The following IRF2 variants were observed in gnomAD, a reference collection of about 807,000 sequenced individuals.
IRF2 encodes the protein interferon regulatory factor 2.
Under a neutral mutation model 40.6 loss-of-function variants are expected in IRF2, and 15 were observed. That is an observed-to-expected ratio of 0.37 (90% CI 0.25 to 0.57). IRF2 has a LOEUF of 0.57. Among genes scored for constraint, IRF2 ranks in the 20% least tolerant of loss-of-function variants. IRF2 has a pLI of 0.77. For missense variants in IRF2, 317 were observed against 455.7 expected (o/e 0.70, Z 2.77); for synonymous variants, 151 against 165.5 (o/e 0.91, Z 0.67).
At chr4:184,463,295 C>T (rs929550169) in intron 1 of IRF2, among the ~76,000 whole-genome samples, 1 of 152,204 alleles carries the variant, frequency 6.6e-6, no homozygotes, top group African/African-American at 2.4e-5. Context: ...ACAACTTTCC[C>T]CTGTATTGTC....
rs763863046 is a variant in IRF2 at position 184,429,059 on chromosome 4, C to A, written c.6G>T (p.Pro2=). 6.2e-7 allele frequency: 1 copy of A among 1,613,852 alleles called. No homozygotes were observed. The highest frequency in any genetic ancestry group is 8.5e-7 in the Non-Finnish European group (1 of 1,179,752). The change falls in exon 2 of 9, where the codon CCG becomes CCT. Residue 2 remains proline, a synonymous_variant. Coordinates refer to ENST00000393593, the MANE Select transcript of IRF2 (RefSeq NM_002199.4). M[P]VERMRMRPWL... ...ACGGGCGCATGCGCATCCTTTCCAC[C>A]GGCATGGTGCCCTTGAGGGAGAGAA... is the stretch of plus-strand genomic sequence containing the variant.
rs1736575383 is a variant in IRF2 at position 184,399,064 on chromosome 4, T to C, written c.545A>G (p.His182Arg). The C allele has an allele frequency of 1.2e-6, 2 of 1,607,316 alleles. No homozygotes were observed. Among genetic ancestry groups the C allele is most frequent in the African/African-American group, 1.3e-5 (1 of 74,554 alleles). Residue 182 changes from histidine (H) to arginine (R), a missense_variant, in exon 7 of 9, where the codon CAT becomes CGT. Transcript: ENST00000393593. ...TTGATTCTCAATGTTGCTGTCCAGA[T>C]GGGACTGTCCTACAACTTCAAAGAA... Reference protein sequence around the residue: ...TVNIIVVGQSHLDSNIENQEI... With the variant: ...TVNIIVVGQSRLDSNIENQEI...
At chr4:184,396,166 G>A (rs1470595104) in intron 7 of IRF2, among the ~76,000 whole-genome samples, 2 of 152,180 alleles carry the variant, frequency 1.3e-5, no homozygotes, top group African/African-American at 2.4e-5. Flanking sequence ...TTCACGCTTC[G>A]GTTAGCTCTA....
chr4:184,439,314 A>G (rs1471051296), intron 1 of IRF2, among the ~76,000 whole-genome samples: 1 of 74,824 alleles, frequency 1.3e-5, no homozygotes, highest in East Asian at 3.3e-4. Context: ...TTAAAACTTT[A>G]AAAAAAAAAA....
At chr4:184,394,045 G>C (rs1216110585) in intron 7 of IRF2, among the ~76,000 whole-genome samples, 1 of 152,166 alleles carries the variant, frequency 6.6e-6, no homozygotes, top group Non-Finnish European at 1.5e-5. Context: ...ATTTGTTTTT[G>C]CTTTTTGTTT....
At position 184,409,623 on chromosome 4, in the gene IRF2, G is replaced by T. The variant is rs141172543; in HGVS notation, c.412-1348C>A. Among the ~76,000 whole-genome samples, 9 of 152,230 alleles carry T rather than the reference G, an allele frequency of 5.9e-5. No homozygotes were observed. In the East Asian group the frequency reaches 1.7e-3, roughly 29 times the overall value. On this transcript the variant is annotated intron_variant, in intron 5 of 8. Coordinates refer to ENST00000393593, the MANE Select transcript of IRF2 (RefSeq NM_002199.4). ...GTCTGCCTTTTCTTGGGCCAAGCAC[G>T]GTGGCTCACCCTGGAATCTCAGCAC... is the stretch of plus-strand genomic sequence containing the variant.
In IRF2 at chr4:184,390,721, G is replaced by A. The variant is rs750831842; in HGVS notation, c.723C>T (p.Ser241=). The A allele has an allele frequency of 4.6e-5, 75 of 1,614,132 alleles. No homozygotes were observed. The highest frequency in any genetic ancestry group is 5.7e-5 in the Non-Finnish European group (67 of 1,179,992). ...GGCTTACCTCGGCACTCTCTTCATC[G>A]CTGGGCACACTATCAGTCGTTTCGC... ...AESETTDSVP[S]DEESAEGRPH... is the part of the protein sequence containing the mutation. Residue 241 remains serine, a synonymous_variant, in exon 8 of 9, where the codon AGC becomes AGT. Transcript: ENST00000393593.
chr4:184,406,686 G>A (rs961870441), intron 6 of IRF2, among the ~76,000 whole-genome samples: 2 of 152,178 alleles, frequency 1.3e-5, no homozygotes, highest in African/African-American at 4.8e-5. Flanking sequence ...CAAGTGCTGG[G>A]GCCAGAGTCT....
chr4:184,430,971 C>T (rs1464038008), intron 1 of IRF2, among the ~76,000 whole-genome samples: 1 of 152,202 alleles, frequency 6.6e-6, no homozygotes, highest in Admixed American at 6.5e-5. Flanking sequence ...GCTGAGATTA[C>T]AGACATGAGC....
chr4:184,445,967 A>T (rs962303335), intron 1 of IRF2, among the ~76,000 whole-genome samples: 1 of 152,220 alleles, frequency 6.6e-6, no homozygotes, highest in African/African-American at 2.4e-5. Context: ...TGTCCTTTTA[A>T]GAAGAGGGAA....
chr4:184,455,360 G>T (rs1416193012), intron 1 of IRF2, among the ~76,000 whole-genome samples: 1 of 131,540 alleles, frequency 7.6e-6, no homozygotes, highest in Non-Finnish European at 1.5e-5. Flanking sequence ...GCCCAGGCTG[G>T]TCTCAACCTC....
chr4:184,406,861 T>G (rs966844151), intron 6 of IRF2, among the ~76,000 whole-genome samples: 1 of 152,174 alleles, frequency 6.6e-6, no homozygotes, highest in Admixed American at 6.5e-5. Flanking sequence ...ACAGGCAAGT[T>G]TGGAAACAAT....
At chr4:184,397,076 C>T (rs574904649) in intron 7 of IRF2, among the ~76,000 whole-genome samples, 21 of 152,346 alleles carry the variant, frequency 1.4e-4, no homozygotes, top group African/African-American at 4.6e-4. Context: ...GGGACTGGCA[C>T]GTGTAAGAGT....
At chr4:184,399,868 T>C (rs950077384) in intron 6 of IRF2, among the ~76,000 whole-genome samples, 1 of 152,242 alleles carries the variant, frequency 6.6e-6, no homozygotes, top group Non-Finnish European at 1.5e-5. Flanking sequence ...CTTATATTGT[T>C]TATTTTGAGA....
chr4:184,454,244 G>A (rs1267106799), intron 1 of IRF2, among the ~76,000 whole-genome samples: 2 of 151,992 alleles, frequency 1.3e-5, no homozygotes, highest in African/African-American at 4.8e-5. Flanking sequence ...CCTCTGCCAG[G>A]GAGCTCTCCA....
intron 1 of IRF2, among the ~76,000 whole-genome samples, chr4:184,437,241 C>T (rs545395943): frequency 2.0e-5 from 3 of 152,160 alleles, no homozygotes; most frequent in Admixed American, 6.6e-5. Flanking sequence ...TATTTTTAGT[C>T]GAGACGGGGT....
chr4:184,444,262 AGCCATT>A (rs1471349855), intron 1 of IRF2, among the ~76,000 whole-genome samples: 1 of 152,214 alleles, frequency 6.6e-6, no homozygotes, highest in African/African-American at 2.4e-5. Context: ...GAAATCAACA[AGCCATT>A]GCCCCAAAAA....
intron 5 of IRF2, among the ~76,000 whole-genome samples, chr4:184,414,018 G>A (rs914400870): frequency 6.6e-5 from 10 of 152,218 alleles, no homozygotes; most frequent in African/African-American, 1.7e-4. Context: ...CGAGGCACCC[G>A]GTGGACAAAC....
chr4:184,387,822 A>T lies in IRF2; in HGVS notation c.*936T>A, dbSNP rs1362826735. 3 of 52,722 alleles carry T rather than the reference A, an allele frequency of 5.7e-5. No individual in the cohort carries two copies. Among genetic ancestry groups the T allele is most frequent in the Admixed American group, 1.7e-4 (1 of 5,848 alleles). The allele number at this position is 52,722 out of a possible 1,614,324, so 3.3% of individuals were successfully genotyped here. A position where few individuals can be genotyped will look rare whatever the true frequency, so the allele number is the denominator to read the frequency against. On this transcript the variant is annotated 3_prime_UTR_variant, in exon 9 of 9. Transcript: ENST00000393593. Reference sequence around the variant, plus strand: ...AAGCTTTTTTCACCTTTACAAAATTAAAAAAAAAAATGTGCCACAAGGATG... The same window carrying T: ...AAGCTTTTTTCACCTTTACAAAATTTAAAAAAAAAATGTGCCACAAGGATG...
Sources: gnomAD v4.1 joint callset for allele counts (sites outside exome capture counted in the v4.1 genomes callset) on GRCh38, gnomAD v4.1.1 for gene constraint, MANE v1.5 for transcripts, NCBI Gene and HGNC (gene_info 2026-07-23, HGNC 2026-07-21) for gene names.